CELF5: variants seen among roughly 807,000 people sequenced by gnomAD.
CELF5 encodes the protein CUGBP Elav-like family member 5.
Under a neutral mutation model 54.9 loss-of-function variants are expected in CELF5, and 6 were observed. The observed-to-expected ratio is 0.11, with a 90% CI of 0.06 to 0.22. The LOEUF (loss-of-function observed/expected upper bound fraction) is 0.22. Among genes scored for constraint, CELF5 ranks in the 10% least tolerant of loss-of-function variants. The pLI is 1.00. For missense variants in CELF5, 401 were observed against 678.6 expected (o/e 0.59, Z 4.54); for synonymous variants, 271 against 290.9 (o/e 0.93, Z 0.70).
In CELF5 at chr19:3,228,107, AAGAG is replaced by A. The variant is rs528618840; in HGVS notation, c.259+3127_259+3130del. ...GCCCTGGGGCGCTGGGTTTGTTTTT[AAGAG>A]AGAGAGAGAGAGAGAGATGAGGACA... On this transcript the variant is annotated intron_variant, in intron 1 of 12. Coordinates refer to ENST00000292672, the MANE Select transcript of CELF5 (RefSeq NM_021938.4). The surrounding 1 kb of genome is among the most constrained non-coding windows in gnomAD (Gnocchi z 6.0). Among the ~76,000 whole-genome samples, 4 of 149,236 alleles carry A rather than the reference AAGAG, an allele frequency of 2.7e-5. No individual in the cohort carries two copies. Among genetic ancestry groups the A allele is most frequent in the South Asian group, 4.3e-4 (2 of 4,674 alleles).
rs2080385413 is a variant in CELF5, at chr19:3,293,501, G to A, written c.*40+15G>A. 5 of 1,593,982 alleles carry A rather than the reference G, an allele frequency of 3.1e-6. No homozygotes were observed. The highest frequency in any genetic ancestry group is 1.3e-5 in the African/African-American group (1 of 74,208). ...GCATGGCCCAGGTGAGCCGCCAGGC[G>A]GCCCCACCCCCGCCCAAGCCCCCCG... On this transcript the variant is annotated intron_variant, in intron 12 of 12. Transcript: ENST00000292672.
rs1197751467 is a variant in CELF5 at position 3,228,257 on chromosome 19, A to C, written c.259+3259A>C. On this transcript the variant is annotated intron_variant, in intron 1 of 12. Transcript: ENST00000292672. This position sits in a 1 kb window ranked among gnomAD's most constrained non-coding sequence, Gnocchi z 6.0. ...AGATGCAGGCCCACAGGAAGACCAC[A>C]AGCCTGCTCCTGCCAGAACTCCGCA... Among the ~76,000 whole-genome samples, 1 of 151,958 alleles carries C rather than the reference A, an allele frequency of 6.6e-6. No individual in the cohort carries two copies. The highest frequency in any genetic ancestry group is 1.5e-5 in the Non-Finnish European group (1 of 67,946).
intron 5 of CELF5, among the ~76,000 whole-genome samples, chr19:3,280,322 G>A (rs2080127179): frequency 6.6e-6 from 1 of 152,038 alleles, no homozygotes; most frequent in South Asian, 2.1e-4. Context: ...TGTAATCCCA[G>A]CACTTTGGGA....
chr19:3,234,563 G>A (rs962059656), intron 1 of CELF5, among the ~76,000 whole-genome samples: 1 of 152,062 alleles, frequency 6.6e-6, no homozygotes, highest in East Asian at 1.9e-4. Context: ...CAGATGATCC[G>A]GCCCCAAGCA....
chr19:3,225,495 C>T (rs1568323781), intron 1 of CELF5: 7 of 879,850 alleles, frequency 8.0e-6, no homozygotes, highest in Non-Finnish European at 9.5e-6. Flanking sequence ...ATTCAGCCTC[C>T]CCAGGCCCCG....
chr19:3,273,368 A>G (rs896003667), intron 2 of CELF5, among the ~76,000 whole-genome samples: 8 of 151,272 alleles, frequency 5.3e-5, no homozygotes, highest in Admixed American at 5.3e-4. Context: ...CTCCTCCCCT[A>G]CTGAGGAGGA....
rs1196508055 is a variant in CELF5, at chr19:3,281,410, G to C, written c.750+65G>C. The C allele has an allele frequency of 1.3e-6, 2 of 1,530,986 alleles. No individual in the cohort carries two copies. The highest frequency in any genetic ancestry group is 1.8e-6 in the Non-Finnish European group (2 of 1,131,412). 94.8% of individuals were successfully genotyped at this position (1,530,986 alleles called of 1,614,324 possible). On this transcript the variant is annotated intron_variant, in intron 6 of 12. Transcript: ENST00000292672. This position sits in a 1 kb window ranked among gnomAD's most constrained non-coding sequence, Gnocchi z 6.5. ...CTCTCTCAGTCTCTGTCTACTCTCTGTCGGGCTCCTGCCTCTCCCTCCATC... is the reference window on the plus strand; with the variant it reads ...CTCTCTCAGTCTCTGTCTACTCTCTCTCGGGCTCCTGCCTCTCCCTCCATC...
intron 2 of CELF5, among the ~76,000 whole-genome samples, chr19:3,261,953 C>T (rs924719750): frequency 6.6e-6 from 1 of 152,174 alleles, no homozygotes; most frequent in East Asian, 1.9e-4. Flanking sequence ...GTGCAGTGTG[C>T]TGATCACTAG....
At chr19:3,261,371 T>C (rs1388221475) in intron 2 of CELF5, among the ~76,000 whole-genome samples, 2 of 151,668 alleles carry the variant, frequency 1.3e-5, no homozygotes, top group African/African-American at 4.8e-5. Flanking sequence ...TGAGCCGAGA[T>C]TGCACCACTG....
rs2079911852 is a variant in CELF5 at position 3,268,326 on chromosome 19, C to G, written c.343-5546C>G. 6.6e-6 allele frequency among the ~76,000 whole-genome samples: 1 copy of G among 152,144 alleles called. No homozygotes were observed. The highest frequency in any genetic ancestry group is 1.5e-5 in the Non-Finnish European group (1 of 68,030). On this transcript the variant is annotated intron_variant, in intron 2 of 12. Coordinates refer to ENST00000292672, the MANE Select transcript of CELF5 (RefSeq NM_021938.4). This position sits in a 1 kb window ranked among gnomAD's most constrained non-coding sequence, Gnocchi z 4.4. ...CCGGCACCTAGAAGTGTTTGGAGGA[C>G]TCTGTAAGGTGAGGCCTGTCAGGTG...
chr19:3,251,162 C>A, intron 2 of CELF5, 95 bp downstream of exon 2: 1 of 900,166 alleles, frequency 1.1e-6, no homozygotes, highest in Non-Finnish European at 1.8e-6. Flanking sequence ...GCTGTGAATT[C>A]TGTGTGTCTC....
chr19:3,235,508 G>GAAT (rs1236930685), intron 1 of CELF5, among the ~76,000 whole-genome samples: 1 of 72,194 alleles, frequency 1.4e-5, no homozygotes, highest in Non-Finnish European at 2.8e-5. Context: ...GTGGGTGGGT[G>GAAT]GATGGATGGA....
At chr19:3,289,981 G>T (rs2080316190) in intron 10 of CELF5, among the ~76,000 whole-genome samples, 1 of 152,072 alleles carries the variant, frequency 6.6e-6, no homozygotes. Context: ...GGTCTTGTCA[G>T]TTATCTGGAG....
intron 1 of CELF5, among the ~76,000 whole-genome samples, chr19:3,243,190 T>A (rs1006439724): frequency 1.8e-4 from 27 of 150,278 alleles, no homozygotes; most frequent in Non-Finnish European, 3.7e-4. Context: ...TGGTTTTTAA[T>A]TTTTTTGTTT....
chr19:3,263,264 A>T (rs1177753644), intron 2 of CELF5, among the ~76,000 whole-genome samples: 1 of 147,736 alleles, frequency 6.8e-6, no homozygotes, highest in Non-Finnish European at 1.5e-5. Flanking sequence ...AAAAAAAAAA[A>T]AAGGGAGGGG....
intron 2 of CELF5, among the ~76,000 whole-genome samples, chr19:3,266,100 G>C (rs999239876): frequency 6.6e-6 from 1 of 152,118 alleles, no homozygotes; most frequent in African/African-American, 2.4e-5. Flanking sequence ...AGCGCACCAC[G>C]CCCGACCCCC....
chr19:3,291,032 G>C (rs965335595), intron 11 of CELF5, among the ~76,000 whole-genome samples: 2 of 151,886 alleles, frequency 1.3e-5, no homozygotes, highest in Non-Finnish European at 2.9e-5. Context: ...AGGCTGAGGT[G>C]TGAGGACCCC....
At chr19:3,273,680 G>T (rs1363866823) in intron 2 of CELF5, among the ~76,000 whole-genome samples, 192 bp from the exon 3 acceptor site, 4 of 152,170 alleles carry the variant, frequency 2.6e-5, no homozygotes, top group African/African-American at 9.7e-5. Flanking sequence ...AGAGCTAAGA[G>T]TTCGCCACAC....
At chr19:3,253,513 A>G (rs1002122083) in intron 2 of CELF5, among the ~76,000 whole-genome samples, 1 of 152,190 alleles carries the variant, frequency 6.6e-6, no homozygotes. Flanking sequence ...CCCCCAGCAC[A>G]CGTAACCAAA....
Sources: gnomAD v4.1 joint callset for allele counts (sites outside exome capture counted in the v4.1 genomes callset) on GRCh38, gnomAD v4.1.1 for gene constraint, Gnocchi (gnomAD v3.1) non-coding constraint, MANE v1.5 for transcripts, NCBI Gene and HGNC (gene_info 2026-07-23, HGNC 2026-07-21) for gene names.